The following CSMD3 variants were observed in gnomAD, a reference collection of about 807,000 sequenced individuals.
CSMD3 encodes CUB and sushi domain-containing protein 3.
In CSMD3, 177 loss-of-function variants were observed where a neutral mutation model predicts 435.2. That is an observed-to-expected ratio of 0.41 (90% confidence interval 0.36 to 0.46). The LOEUF is 0.46. CSMD3 is among the 20% of genes least tolerant of loss of function. CSMD3 has a pLI of 0.34. For missense variants in CSMD3, 4,265 were observed against 4,504.6 expected (o/e 0.95, Z 1.52); for synonymous variants, 1,656 against 1,520.5 (o/e 1.09, Z -2.07).
intron 13 of CSMD3, among the ~76,000 whole-genome samples, chr8:112,771,834 GA>G (rs1224118807): frequency 6.6e-6 from 1 of 151,636 alleles, no homozygotes; most frequent in Middle Eastern, 3.4e-3. Context: ...AATAGGAATA[GA>G]AAAAAGTCAA....
At chr8:112,583,785 C>A (rs1338102493) in intron 23 of CSMD3, among the ~76,000 whole-genome samples, 1 of 151,746 alleles carries the variant, frequency 6.6e-6, no homozygotes, top group Non-Finnish European at 1.5e-5. Context: ...ATTAAGTAAG[C>A]AAATTGAAAA....
chr8:112,448,555 T>G (rs1268621590), intron 32 of CSMD3, among the ~76,000 whole-genome samples: 1 of 152,008 alleles, frequency 6.6e-6, no homozygotes, highest in Non-Finnish European at 1.5e-5. Flanking sequence ...CACCAGAAAC[T>G]AGGAAGAGAC....
At chr8:113,166,972 A>C (rs1347558232) in intron 4 of CSMD3, among the ~76,000 whole-genome samples, 2 of 152,134 alleles carry the variant, frequency 1.3e-5, no homozygotes, top group Non-Finnish European at 2.9e-5. Flanking sequence ...TAATACTATA[A>C]GTAAGACTTG....
At chr8:113,215,526 A>G (rs2092893846) in intron 3 of CSMD3, among the ~76,000 whole-genome samples, 1 of 151,856 alleles carries the variant, frequency 6.6e-6, no homozygotes, top group South Asian at 2.1e-4. Flanking sequence ...TTCTAAATGG[A>G]TATTCAACCA....
intron 22 of CSMD3, among the ~76,000 whole-genome samples, chr8:112,622,891 T>A (rs1348905883): frequency 1.3e-5 from 2 of 152,146 alleles, no homozygotes; most frequent in Non-Finnish European, 2.9e-5. Flanking sequence ...ATTTTCATTA[T>A]ATCTCCATTT....
chr8:113,247,050 C>T (rs2093283381), intron 3 of CSMD3, among the ~76,000 whole-genome samples: 1 of 152,278 alleles, frequency 6.6e-6, no homozygotes, highest in South Asian at 2.1e-4. Context: ...ACACTTTGCA[C>T]ATGTGTGCAC....
At chr8:112,358,892 A>G (rs1448734804) in intron 38 of CSMD3, among the ~76,000 whole-genome samples, 3 of 152,158 alleles carry the variant, frequency 2.0e-5, no homozygotes, top group Non-Finnish European at 4.4e-5. Context: ...ATACCCACAT[A>G]TCCCCTAAAT....
chr8:112,444,923 G>A (rs764331110), intron 32 of CSMD3, among the ~76,000 whole-genome samples: 3 of 152,058 alleles, frequency 2.0e-5, no homozygotes, highest in Non-Finnish European at 2.9e-5. Flanking sequence ...AGTAAGATTC[G>A]TTTTAACAAA....
chr8:113,426,044 TC>T (rs2094634248), intron 1 of CSMD3, among the ~76,000 whole-genome samples: 1 of 151,468 alleles, frequency 6.6e-6, no homozygotes, highest in South Asian at 2.1e-4. Flanking sequence ...GAGTATGGAA[TC>T]AATAAATTCA....
chr8:112,987,440 TA>T (rs111467423), intron 6 of CSMD3, among the ~76,000 whole-genome samples: 8 of 152,222 alleles, frequency 5.3e-5, no homozygotes, highest in African/African-American at 1.7e-4. Context: ...AAACATGGCA[TA>T]AAAAGCAATA....
rs535295304 is a variant in CSMD3, at chr8:112,789,038, T to G, written c.1972+11124A>C. Among the ~76,000 whole-genome samples, 174 of 152,222 alleles carry G rather than the reference T, an allele frequency of 1.1e-3. No homozygotes were observed. In the Middle Eastern group the frequency reaches 0.014, roughly 12 times the overall value. Reference sequence around the variant, plus strand: ...TCACATGTGACTTGGTAATTTTTCCTAGGCAAAAGAAATTGTGTCTTACAG... The same window carrying G: ...TCACATGTGACTTGGTAATTTTTCCGAGGCAAAAGAAATTGTGTCTTACAG... On this transcript the variant is annotated intron_variant, in intron 13 of 70. Coordinates refer to ENST00000297405, the MANE Select transcript of CSMD3 (RefSeq NM_198123.2).
chr8:112,827,251 C>A (rs1324524388), intron 12 of CSMD3, among the ~76,000 whole-genome samples: 1 of 129,604 alleles, frequency 7.7e-6, no homozygotes, highest in Non-Finnish European at 1.6e-5. Context: ...GCTCAAATAG[C>A]TTTTTTTTGT....
Position 112,567,283 on chromosome 8 carries a change from T to C in CSMD3, c.4042+6218A>G, listed in dbSNP as rs147444467. The stretch of plus-strand genomic sequence containing the variant: ...GGTATCAACTCAGATAACATCTCCT[T>C]TAAGATGGAGTCTGAACAAATTAGC... On this transcript the variant is annotated intron_variant, in intron 24 of 70. Transcript: ENST00000297405. Among the ~76,000 whole-genome samples, 542 of 152,304 alleles carry C rather than the reference T, an allele frequency of 3.6e-3. 2 individuals carry two copies. The highest frequency in any genetic ancestry group is 0.012 in the African/African-American group (519 of 41,574).
At chr8:113,080,707 C>T (rs1160519147) in intron 5 of CSMD3, among the ~76,000 whole-genome samples, 1 of 152,138 alleles carries the variant, frequency 6.6e-6, no homozygotes, top group Non-Finnish European at 1.5e-5. Flanking sequence ...TTACAGAAGG[C>T]TTATTTCCCT....
intron 4 of CSMD3, among the ~76,000 whole-genome samples, chr8:113,166,814 C>G (rs1017884386): frequency 4.6e-5 from 7 of 152,056 alleles, no homozygotes; most frequent in Non-Finnish European, 1.0e-4. Flanking sequence ...GTGTTATTAT[C>G]ATATTCAAAA....
At chr8:112,491,699 T>C (rs1820715133) in intron 31 of CSMD3, among the ~76,000 whole-genome samples, 1 of 152,134 alleles carries the variant, frequency 6.6e-6, no homozygotes, top group African/African-American at 2.4e-5. Flanking sequence ...GTATACTTTT[T>C]TCCTATTATT....
intron 3 of CSMD3, among the ~76,000 whole-genome samples, chr8:113,245,686 T>C (rs1047629357): frequency 6.6e-6 from 1 of 152,072 alleles, no homozygotes; most frequent in Non-Finnish European, 1.5e-5. Context: ...TTATTTATAC[T>C]GTATTTTACA....
chr8:113,242,661 A>C (rs1396428425), intron 3 of CSMD3, among the ~76,000 whole-genome samples: 1 of 152,026 alleles, frequency 6.6e-6, no homozygotes, highest in Admixed American at 6.6e-5. Context: ...AATAGAAATT[A>C]ATTGATTTTT....
intron 1 of CSMD3, among the ~76,000 whole-genome samples, chr8:113,339,608 T>C (rs1335286466): frequency 6.6e-6 from 1 of 152,026 alleles, no homozygotes; most frequent in Non-Finnish European, 1.5e-5. Context: ...TATTCTTCTT[T>C]TATTGGGTGA....
Sources: allele counts gnomAD v4.1 joint callset (sites outside exome capture counted in the v4.1 genomes callset), GRCh38; gene constraint gnomAD v4.1.1; transcripts MANE v1.5; gene names NCBI Gene and HGNC (gene_info 2026-07-23, HGNC 2026-07-21).